Variants in NPTN observed in about 807,000 individuals in gnomAD.
The protein encoded by NPTN is neuroplastin, also known as SDR-1.
Under a neutral mutation model 42.7 loss-of-function variants are expected in NPTN, and 5 were observed. The observed-to-expected ratio is 0.12, with a 90% CI of 0.06 to 0.25. The LOEUF is 0.25. Among genes scored for constraint, NPTN ranks in the 10% least tolerant of loss-of-function variants. The pLI, the probability that NPTN is intolerant of heterozygous loss-of-function variation, is 1.00. For synonymous variants in NPTN, 180 were observed against 201.9 expected (o/e 0.89, Z 0.92); for missense variants, 307 against 525.4 (o/e 0.58, Z 4.06).
chr15:73,562,328 A>T (rs1202085259), intron 7 of NPTN, among the ~76,000 whole-genome samples: 1 of 152,290 alleles, frequency 6.6e-6, no homozygotes, highest in East Asian at 1.9e-4. Context: ...CAGATTTTGG[A>T]GCATTTCAGA....
At chr15:73,605,924 C>A (rs1331585713) in intron 1 of NPTN, among the ~76,000 whole-genome samples, 1 of 151,778 alleles carries the variant, frequency 6.6e-6, no homozygotes, top group East Asian at 1.9e-4. Flanking sequence ...GGCCATCATG[C>A]GGTGGCTCAC....
At chr15:73,595,525 A>G (rs2141407055) in intron 2 of NPTN, among the ~76,000 whole-genome samples, 1 of 152,314 alleles carries the variant, frequency 6.6e-6, no homozygotes, top group South Asian at 2.1e-4. Flanking sequence ...AAGAACAGAC[A>G]CTAATTTGCT....
chr15:73,599,621 AAAAGAAAGAAAG>A (rs796403799), intron 1 of NPTN: 3 of 150,746 alleles, frequency 2.0e-5, no homozygotes, highest in Non-Finnish European at 4.4e-5. Flanking sequence ...CAAAAAAAAA[AAAAGAAAGAAAG>A]AAAGAAAGAA....
intron 1 of NPTN, among the ~76,000 whole-genome samples, chr15:73,603,799 A>C (rs747477330): frequency 1.3e-5 from 2 of 152,262 alleles, no homozygotes; most frequent in Non-Finnish European, 2.9e-5. Flanking sequence ...GTAGTTATGG[A>C]ATCTGAGATC....
chr15:73,607,222 A>AT (rs200752266), intron 1 of NPTN, among the ~76,000 whole-genome samples: 18 of 151,186 alleles, frequency 1.2e-4, no homozygotes, highest in East Asian at 1.2e-3. Context: ...ACACGTTATC[A>AT]TTTTTTTTTC....
intron 4 of NPTN, among the ~76,000 whole-genome samples, chr15:73,587,115 T>C (rs1317902096): frequency 6.6e-6 from 1 of 152,206 alleles, no homozygotes; most frequent in Non-Finnish European, 1.5e-5. Flanking sequence ...TATGTAATCA[T>C]ACTTGTAAGG....
chr15:73,567,899 A>G, intron 6 of NPTN: 4 of 985,396 alleles, frequency 4.1e-6, no homozygotes, highest in Non-Finnish European at 3.6e-6. Context: ...TTTCATTACA[A>G]TACTCTCCCA....
At position 73,568,213 on chromosome 15, in the gene NPTN, C is replaced by G. The variant is rs1315483550; in HGVS notation, c.1114+1937G>C. 3 of 985,406 alleles carry G rather than the reference C, an allele frequency of 3.0e-6. No individual in the cohort carries two copies. In the African/African-American group the frequency reaches 5.2e-5, roughly 17 times the overall value. The allele number at this position is 985,406 out of a possible 1,614,324, so 61.0% of individuals were successfully genotyped here. A position where few individuals can be genotyped will look rare whatever the true frequency, so the allele number is the denominator to read the frequency against. On this transcript the variant is annotated intron_variant, in intron 6 of 8. Coordinates refer to ENST00000345330, the MANE Select transcript of NPTN (RefSeq NM_012428.4). ...ACCACATGCACTGTGATAGCAACCT[C>G]ATAAGCGCGGTGACTTCTTAGGGCA...
chr15:73,603,135 C>A (rs1271033262), intron 1 of NPTN, among the ~76,000 whole-genome samples: 1 of 152,324 alleles, frequency 6.6e-6, no homozygotes, highest in East Asian at 1.9e-4. Flanking sequence ...AGCTTCATCT[C>A]CCTAATCTGT....
At chr15:73,615,553 A>T (rs1463216356) in intron 1 of NPTN, among the ~76,000 whole-genome samples, 1 of 152,136 alleles carries the variant, frequency 6.6e-6, no homozygotes, top group African/African-American at 2.4e-5. Flanking sequence ...ACAATATCCT[A>T]TATACATTAT....
chr15:73,570,291 C>T lies in NPTN; in HGVS notation c.973G>A (p.Ala325Thr), dbSNP rs767422988. The change falls in exon 6 of 9, where the codon GCC (alanine) becomes ACC (threonine). Residue 325 changes from alanine (A) to threonine (T), a missense_variant. Ala to Thr is a moderately conservative substitution (Grantham distance 58). Coordinates refer to ENST00000345330, the MANE Select transcript of NPTN (RefSeq NM_012428.4). The surrounding 1 kb of genome is among the most constrained non-coding windows in gnomAD (Gnocchi z 4.0). ...ACCCTGAGGACAGTGACAACAGAGG[C>T]GGAGCCAATGGCGTTGGTGGCATTA... ...ECNATNAIGS[A>T]SVVTVLRVRS... 36 of 1,614,114 alleles carry T rather than the reference C, an allele frequency of 2.2e-5. No individual in the cohort carries two copies. The highest frequency in any genetic ancestry group is 2.5e-5 in the Non-Finnish European group (30 of 1,180,040).
intron 3 of NPTN, among the ~76,000 whole-genome samples, chr15:73,589,344 AAAAAAG>A (rs1273296658): frequency 6.6e-6 from 1 of 152,080 alleles, no homozygotes; most frequent in Admixed American, 6.6e-5. Flanking sequence ...AAAAAAAAGA[AAAAAAG>A]AAAAAGTAGT....
chr15:73,584,144 A>C (rs1030376466), intron 4 of NPTN, among the ~76,000 whole-genome samples: 1 of 152,188 alleles, frequency 6.6e-6, no homozygotes, highest in African/African-American at 2.4e-5. Flanking sequence ...GTAAGACAAC[A>C]GGCTCAACCC....
At position 73,561,900 on chromosome 15, in the gene NPTN, T is replaced by C. The variant is rs373487999; in HGVS notation, c.*10A>G. The C allele has an allele frequency of 2.2e-5, 36 of 1,600,038 alleles. No individual in the cohort carries two copies. Among genetic ancestry groups the C allele is most frequent in the Non-Finnish European group, 2.6e-5 (31 of 1,173,168 alleles). On this transcript the variant is annotated 3_prime_UTR_variant, in exon 8 of 9. Coordinates refer to ENST00000345330, the MANE Select transcript of NPTN (RefSeq NM_012428.4). ...GCTACAGAAGGCCATACTTACATTG[T>C]AAGCAGTACTTAATTTGTGTTTCTC...
At chr15:73,621,116 T>C (rs1428771641) in intron 1 of NPTN, among the ~76,000 whole-genome samples, 1 of 152,170 alleles carries the variant, frequency 6.6e-6, no homozygotes, top group Non-Finnish European at 1.5e-5. Flanking sequence ...CTGATTTCAC[T>C]TTCAGTCACC....
chr15:73,631,638 G>A (rs965929774), intron 1 of NPTN, among the ~76,000 whole-genome samples: 4 of 152,110 alleles, frequency 2.6e-5, no homozygotes, highest in Non-Finnish European at 4.4e-5. Context: ...TCTCTAATAA[G>A]AGTAATCATA....
At chr15:73,607,877 C>T (rs575216282) in intron 1 of NPTN, among the ~76,000 whole-genome samples, 7 of 152,240 alleles carry the variant, frequency 4.6e-5, no homozygotes, top group African/African-American at 1.7e-4. Context: ...AGGTGATGCC[C>T]GTGCTGCTGC....
intron 7 of NPTN, among the ~76,000 whole-genome samples, chr15:73,562,754 T>G (rs1001936258): frequency 1.3e-5 from 2 of 152,166 alleles, no homozygotes; most frequent in African/African-American, 4.8e-5. Context: ...GTAACAACTT[T>G]TGAAAGTATA....
At chr15:73,580,237 G>A (rs1266707900) in intron 4 of NPTN, among the ~76,000 whole-genome samples, 2 of 151,016 alleles carry the variant, frequency 1.3e-5, no homozygotes, top group African/African-American at 4.9e-5. Context: ...CATGCGAGGA[G>A]GGAGACCATT....
Sources: gnomAD v4.1 joint callset for allele counts (sites outside exome capture counted in the v4.1 genomes callset) on GRCh38, gnomAD v4.1.1 for gene constraint, Gnocchi (gnomAD v3.1) non-coding constraint, MANE v1.5 for transcripts, NCBI Gene and HGNC (gene_info 2026-07-23, HGNC 2026-07-21) for gene names.